ULK4: variants seen among roughly 807,000 people sequenced by gnomAD.
ULK4 encodes the protein unc-51 like kinase 4.
A neutral mutation model predicts 160.6 loss-of-function variants in ULK4; 133 were observed. The observed-to-expected ratio is 0.83, with a 90% CI of 0.72 to 0.96. ULK4 has a LOEUF of 0.96. Among genes scored for constraint, ULK4 ranks in the 40% least tolerant of loss-of-function variants. The pLI is 0.00. For synonymous variants in ULK4, 534 were observed against 539.8 expected (o/e 0.99, Z 0.15); for missense variants, 1,580 against 1,499.5 (o/e 1.05, Z -0.89).
At chr3:41,549,802 G>A (rs1219108116) in intron 32 of ULK4, among the ~76,000 whole-genome samples, 1 of 151,948 alleles carries the variant, frequency 6.6e-6, no homozygotes, top group Admixed American at 6.6e-5. Flanking sequence ...AGAAAAAAAA[G>A]TGTCAAGTCA....
chr3:41,886,054 A>G (rs541488347), intron 16 of ULK4, among the ~76,000 whole-genome samples: 21 of 152,224 alleles, frequency 1.4e-4, no homozygotes, highest in Non-Finnish European at 2.9e-4. Flanking sequence ...CTCATCTTTC[A>G]CGTGCCTGGT....
At chr3:41,806,107 C>T (rs2040634203) in intron 19 of ULK4, among the ~76,000 whole-genome samples, 5 of 146,212 alleles carry the variant, frequency 3.4e-5, no homozygotes, top group South Asian at 2.2e-4. Context: ...GTGAATCCAT[C>T]TGGTCCTGGA....
chr3:41,283,038 T>G (rs927861456), intron 35 of ULK4, among the ~76,000 whole-genome samples: 7 of 152,050 alleles, frequency 4.6e-5, no homozygotes, highest in African/African-American at 1.7e-4. Context: ...AACAGACACA[T>G]GAAAAAATGC....
rs928873808 is a variant in ULK4, at chr3:41,558,703, CAAAAAAAAAAGAAAA to C, written c.3226+7307_3226+7321del. On this transcript the variant is annotated intron_variant, in intron 32 of 36. Transcript: ENST00000301831. ...TGAGCAATAGAGCAAGACTCCATCT[CAAAAAAAAAAGAAAA>C]GAAAAAAAAGGAAAGAAAAAGAAAT... 2.2e-4 allele frequency among the ~76,000 whole-genome samples: 30 copies of C among 138,896 alleles called. No individual in the cohort carries two copies. The East Asian group carries it at 4.3e-3, about 20-fold the overall frequency. The allele number at this position is 138,896 out of a possible 152,430, so 91.1% of individuals were successfully genotyped here.
At chr3:41,541,595 T>C (rs189958928) in intron 32 of ULK4, among the ~76,000 whole-genome samples, 26 of 152,330 alleles carry the variant, frequency 1.7e-4, no homozygotes, top group East Asian at 5.8e-4. Context: ...GGGGATAGCA[T>C]TGAATTTACA....
chr3:41,949,062 T>C (rs969099882), intron 2 of ULK4, among the ~76,000 whole-genome samples: 3 of 151,862 alleles, frequency 2.0e-5, no homozygotes, highest in African/African-American at 7.3e-5. Context: ...ATCCCAGCAC[T>C]TTTGGAGGCC....
intron 34 of ULK4, among the ~76,000 whole-genome samples, chr3:41,411,872 C>T (rs1298887337): frequency 1.3e-5 from 2 of 152,082 alleles, no homozygotes; most frequent in Non-Finnish European, 2.9e-5. Flanking sequence ...AGACTGAATG[C>T]TTTCCCCTGA....
intron 29 of ULK4, among the ~76,000 whole-genome samples, chr3:41,670,359 T>C (rs1227559900): frequency 6.6e-6 from 1 of 152,142 alleles, no homozygotes; most frequent in African/African-American, 2.4e-5. Context: ...TCCAAAACTT[T>C]ATAAAATGAA....
chr3:41,872,646 G>A (rs1478749031), intron 17 of ULK4, among the ~76,000 whole-genome samples: 11 of 121,116 alleles, frequency 9.1e-5, no homozygotes, highest in South Asian at 2.3e-4. Context: ...CCATCCAGAT[G>A]CATTATTATT....
At chr3:41,648,726 G>A (rs550135565) in intron 30 of ULK4, among the ~76,000 whole-genome samples, 165 of 152,246 alleles carry the variant, frequency 1.1e-3, no homozygotes, top group African/African-American at 3.8e-3. Context: ...GTTGAGGGAG[G>A]AGGGTAGGAA....
rs141933225 is a variant in ULK4 at position 41,361,195 on chromosome 3, T to C, written c.3678+36884A>G. ...CACAGGTGCAGGCAGTTGGCAGATATTGGGGAGAGAATCTGAGGTGTTCTC... is the reference window on the plus strand; with the variant it reads ...CACAGGTGCAGGCAGTTGGCAGATACTGGGGAGAGAATCTGAGGTGTTCTC... On this transcript the variant is annotated intron_variant, in intron 35 of 36. Coordinates refer to ENST00000301831, the MANE Select transcript of ULK4 (RefSeq NM_017886.4). Among the ~76,000 whole-genome samples, 14 of 152,174 alleles carry C rather than the reference T, an allele frequency of 9.2e-5. No homozygotes were observed. In the East Asian group the frequency reaches 1.9e-3, roughly 21 times the overall value.
intron 17 of ULK4, among the ~76,000 whole-genome samples, chr3:41,883,039 G>T (rs563402235): frequency 6.6e-6 from 1 of 152,288 alleles, no homozygotes; most frequent in South Asian, 2.1e-4. Flanking sequence ...GTAACTCAGA[G>T]ATCCAGCAGT....
At position 41,910,139 on chromosome 3, in the gene ULK4, G is replaced by A. The variant is rs188656378; in HGVS notation, c.1085+1178C>T. 3.1e-3 allele frequency among the ~76,000 whole-genome samples: 474 copies of A among 152,084 alleles called. 1 individual carries two copies. Among genetic ancestry groups the A allele is most frequent in the African/African-American group, 0.011 (450 of 41,464 alleles). ...TCAGTCTCCTGACCTCAGGTGATCC[G>A]CCTGCCTTGGCCTCCCAAAGTGCTG... is the stretch of plus-strand genomic sequence containing the variant. On this transcript the variant is annotated intron_variant, in intron 11 of 36. Coordinates refer to ENST00000301831, the MANE Select transcript of ULK4 (RefSeq NM_017886.4).
At chr3:41,694,795 T>A (rs1054106139) in intron 27 of ULK4, among the ~76,000 whole-genome samples, 1 of 152,208 alleles carries the variant, frequency 6.6e-6, no homozygotes, top group Non-Finnish European at 1.5e-5. Context: ...ATTGTTGTAT[T>A]ATCATTTTTC....
At chr3:41,271,168 T>C (rs1345763978) in intron 35 of ULK4, among the ~76,000 whole-genome samples, 9 of 152,124 alleles carry the variant, frequency 5.9e-5, no homozygotes, top group Admixed American at 5.9e-4. Flanking sequence ...AGACAGTGAA[T>C]ATATCCATCA....
At chr3:41,523,651 G>A (rs147193774) in intron 32 of ULK4, among the ~76,000 whole-genome samples, 1 of 152,132 alleles carries the variant, frequency 6.6e-6, no homozygotes, top group East Asian at 1.9e-4. Context: ...AAGGTATGGA[G>A]AAACTGGAGT....
At chr3:41,560,477 G>A (rs1265049667) in intron 32 of ULK4, among the ~76,000 whole-genome samples, 1 of 152,122 alleles carries the variant, frequency 6.6e-6, no homozygotes, top group African/African-American at 2.4e-5. Flanking sequence ...TCACAATATT[G>A]ATTCTTCCTA....
chr3:41,558,661 G>A (rs1173385143), intron 32 of ULK4, among the ~76,000 whole-genome samples: 5 of 150,406 alleles, frequency 3.3e-5, no homozygotes, highest in Non-Finnish European at 7.4e-5. Context: ...CCAAGATCAC[G>A]CCATGGCACT....
At chr3:41,799,004 C>T (rs2040380616) in intron 20 of ULK4, among the ~76,000 whole-genome samples, 1 of 152,058 alleles carries the variant, frequency 6.6e-6, no homozygotes, top group Non-Finnish European at 1.5e-5. Context: ...ACTTATATGG[C>T]AGAAAGCAGT....
Sources: allele counts gnomAD v4.1 joint callset (sites outside exome capture counted in the v4.1 genomes callset), GRCh38; gene constraint gnomAD v4.1.1; transcripts MANE v1.5; gene names NCBI Gene and HGNC (gene_info 2026-07-23, HGNC 2026-07-21).